The following LINGO2 variants were observed in gnomAD, a reference collection of about 807,000 sequenced individuals.
The protein encoded by LINGO2 is leucine-rich repeat and immunoglobulin-like domain-containing nogo receptor-interacting protein 2.
Under a neutral mutation model 30.6 loss-of-function variants are expected in LINGO2, and 14 were observed. That is an observed-to-expected ratio of 0.46 (90% CI 0.30 to 0.72). The LOEUF (loss-of-function observed/expected upper bound fraction) is 0.72, where lower values mean the gene tolerates loss of function less well. Among genes scored for constraint, LINGO2 ranks in the 30% least tolerant of loss-of-function variants. LINGO2 has a pLI of 0.07. For missense variants in LINGO2, 729 were observed against 751.7 expected, an observed-to-expected ratio of 0.97 and a Z score of 0.35; for synonymous variants, 317 against 288.5, an observed-to-expected ratio of 1.10 and a Z score of -1.00.
intron 1 of LINGO2, among the ~76,000 whole-genome samples, chr9:28,665,395 T>C (rs988035829): frequency 6.6e-6 from 1 of 152,098 alleles, no homozygotes; most frequent in Non-Finnish European, 1.5e-5. Flanking sequence ...ATTCCTTGTA[T>C]TCCACACACA....
At chr9:28,510,663 T>C (rs1193705259) in intron 1 of LINGO2, among the ~76,000 whole-genome samples, 1 of 136,846 alleles carries the variant, frequency 7.3e-6, no homozygotes, top group African/African-American at 2.7e-5. Flanking sequence ...CAGGTTGTTC[T>C]AGTGTCAACT....
At chr9:29,046,272 CAT>C in the LINGO2 span, among the ~76,000 whole-genome samples, 1 of 152,034 alleles carries the variant, frequency 6.6e-6, no homozygotes, top group Non-Finnish European at 1.5e-5. Context: ...GTGGATTTGT[CAT>C]AGACAGCCTC....
chr9:28,644,993 G>C (rs1827772053), intron 1 of LINGO2, among the ~76,000 whole-genome samples: 1 of 151,962 alleles, frequency 6.6e-6, no homozygotes, highest in African/African-American at 2.4e-5. Flanking sequence ...ACAAGGACAG[G>C]CCAATTTGAA....
the LINGO2 span, among the ~76,000 whole-genome samples, chr9:28,726,599 T>G: frequency 2.0e-4 from 31 of 152,182 alleles, no homozygotes; most frequent in Non-Finnish European, 5.9e-5. Flanking sequence ...GATTGAAACC[T>G]TAGGTGATTT....
At chr9:28,069,119 A>C (rs575039295) in intron 4 of LINGO2, among the ~76,000 whole-genome samples, 1 of 152,310 alleles carries the variant, frequency 6.6e-6, no homozygotes, top group Admixed American at 6.5e-5. Flanking sequence ...TTTTTGGTAT[A>C]ATAAATTCAG....
intron 1 of LINGO2, among the ~76,000 whole-genome samples, chr9:28,514,594 C>G (rs1031076975): frequency 6.6e-6 from 1 of 152,092 alleles, no homozygotes; most frequent in East Asian, 1.9e-4. Context: ...TCTATTATAT[C>G]AAGGATGAAA....
the LINGO2 span, among the ~76,000 whole-genome samples, chr9:29,014,042 C>A: frequency 6.6e-6 from 1 of 152,114 alleles, no homozygotes; most frequent in South Asian, 2.1e-4. Flanking sequence ...CTCCTTAATC[C>A]CATGTAAATA....
the LINGO2 span, among the ~76,000 whole-genome samples, chr9:29,102,324 G>A: frequency 2.6e-5 from 4 of 152,132 alleles, no homozygotes; most frequent in African/African-American, 7.2e-5. Flanking sequence ...CTTGTGATCC[G>A]CCTGCCTCGG....
the LINGO2 span, among the ~76,000 whole-genome samples, chr9:29,028,910 T>C: frequency 3.9e-5 from 6 of 152,182 alleles, no homozygotes; most frequent in Non-Finnish European, 8.8e-5. Flanking sequence ...CACAGATTTC[T>C]AGTAATCATA....
chr9:28,458,525 T>G (rs1824943682), intron 2 of LINGO2, among the ~76,000 whole-genome samples: 1 of 152,202 alleles, frequency 6.6e-6, no homozygotes, highest in Non-Finnish European at 1.5e-5. Context: ...GCGTCTCTTT[T>G]TCTTTTCTTT....
the LINGO2 span, among the ~76,000 whole-genome samples, chr9:28,938,816 G>A: frequency 1.3e-5 from 2 of 152,116 alleles, no homozygotes; most frequent in Admixed American, 1.3e-4. Context: ...GTCTGTAAGT[G>A]ATATACGATC....
intron 2 of LINGO2, among the ~76,000 whole-genome samples, chr9:28,447,554 A>G (rs1824475094): frequency 1.3e-5 from 2 of 152,196 alleles, no homozygotes; most frequent in Admixed American, 1.3e-4. Context: ...ACAGCAACCA[A>G]CTGATTTTTC....
intron 1 of LINGO2, among the ~76,000 whole-genome samples, chr9:28,594,157 G>C (rs1211559094): frequency 2.6e-5 from 4 of 151,988 alleles, no homozygotes. Flanking sequence ...CAATTTCATA[G>C]TCTAAACTAC....
At position 27,977,796 on chromosome 9, in the gene LINGO2, A is replaced by C. The variant is rs1820673136; in HGVS notation, c.-35-27090T>G. ...AAATGCTTCCCAGGGGAAAGAAAAAAAAAAAGGAAGAGAAAACAAGAAACA... is the reference window on the plus strand; with the variant it reads ...AAATGCTTCCCAGGGGAAAGAAAAACAAAAAGGAAGAGAAAACAAGAAACA... On this transcript the variant is annotated intron_variant, in intron 5 of 5. Coordinates refer to ENST00000379992, the Ensembl canonical transcript of LINGO2. 7.2e-5 allele frequency among the ~76,000 whole-genome samples: 11 copies of C among 152,102 alleles called. No individual in the cohort carries two copies. In the South Asian group the frequency reaches 2.1e-3, roughly 29 times the overall value.
the LINGO2 span, among the ~76,000 whole-genome samples, chr9:28,763,884 T>A: frequency 1.3e-5 from 2 of 151,604 alleles, no homozygotes; most frequent in Admixed American, 6.6e-5. Context: ...TCATAAGAGA[T>A]CTCTCATAAT....
intron 4 of LINGO2, among the ~76,000 whole-genome samples, chr9:28,265,029 C>T (rs1436209878): frequency 1.3e-5 from 2 of 151,942 alleles, no homozygotes; most frequent in Non-Finnish European, 2.9e-5. Context: ...AGATTTAAAA[C>T]TCAAGATGAC....
chr9:28,538,899 G>A (rs1451000373), intron 1 of LINGO2, among the ~76,000 whole-genome samples: 1 of 151,554 alleles, frequency 6.6e-6, no homozygotes, highest in African/African-American at 2.4e-5. Context: ...AAAATAGATT[G>A]AGAAAAATAA....
chr9:28,098,049 A>G (rs945317477), intron 4 of LINGO2, among the ~76,000 whole-genome samples: 8 of 152,200 alleles, frequency 5.3e-5, no homozygotes, highest in African/African-American at 1.9e-4. Context: ...TCATGCCTGT[A>G]ATCCCAATAC....
the LINGO2 span, among the ~76,000 whole-genome samples, chr9:28,855,349 T>C: frequency 1.3e-5 from 2 of 152,010 alleles, no homozygotes; most frequent in East Asian, 1.9e-4. Flanking sequence ...TGCTAGAACC[T>C]GCTGTAATGA....
Sources: gnomAD v4.1 joint callset for allele counts (sites outside exome capture counted in the v4.1 genomes callset) on GRCh38, gnomAD v4.1.1 for gene constraint, MANE v1.5 for transcripts, NCBI Gene and HGNC (gene_info 2026-07-23, HGNC 2026-07-21) for gene names.